POU2F1: variants seen among roughly 807,000 people sequenced by gnomAD.
The protein encoded by POU2F1 is POU domain, class 2, transcription factor 1.
In POU2F1, 16 loss-of-function variants were observed where a neutral mutation model predicts 84.9. The ratio of observed to expected loss-of-function variants is 0.19; its 90% CI spans 0.13 to 0.29. POU2F1 has a LOEUF of 0.29. Among genes scored for constraint, POU2F1 ranks in the 10% least tolerant of loss-of-function variants. The pLI is 1.00. For synonymous variants in POU2F1, 368 were observed against 368.3 expected (o/e 1.00, Z 0.01); for missense variants, 738 against 942.6 (o/e 0.78, Z 2.84).
rs1005253495 is a variant in POU2F1, at chr1:167,426,251, C to T, written c.*10441C>T. 23 of 151,184 alleles carry T rather than the reference C, an allele frequency of 1.5e-4. No individual in the cohort carries two copies. Among genetic ancestry groups the T allele is most frequent in the African/African-American group, 5.1e-4 (21 of 41,228 alleles). The allele number at this position is 151,184 out of a possible 1,614,324, so 9.4% of individuals were successfully genotyped here. A position where few individuals can be genotyped will look rare whatever the true frequency, so the allele number is the denominator to read the frequency against. Reference sequence around the variant, plus strand: ...TTCTGGGATATTAAAAAAAAAATGTCGTTTAACTTCTTGTTTGTTTCAGTG... The same window carrying T: ...TTCTGGGATATTAAAAAAAAAATGTTGTTTAACTTCTTGTTTGTTTCAGTG... On this transcript the variant is annotated 3_prime_UTR_variant, in exon 16 of 16. Coordinates refer to ENST00000367866, the MANE Select transcript of POU2F1 (RefSeq NM_002697.4).
chr1:167,288,231 T>C (rs772096636), intron 1 of POU2F1, among the ~76,000 whole-genome samples: 5 of 152,102 alleles, frequency 3.3e-5, no homozygotes, highest in Non-Finnish European at 7.3e-5. Context: ...ATGACCTTGG[T>C]ACATAGTAAA....
At chr1:167,236,093 T>G (rs796808650) in intron 1 of POU2F1, among the ~76,000 whole-genome samples, 8 of 152,290 alleles carry the variant, frequency 5.3e-5, no homozygotes, top group African/African-American at 1.9e-4. Flanking sequence ...TTTAATGTTT[T>G]TACTCTAATT....
At chr1:167,285,967 A>T (rs1393185862) in intron 1 of POU2F1, among the ~76,000 whole-genome samples, 1 of 152,182 alleles carries the variant, frequency 6.6e-6, no homozygotes, top group Admixed American at 6.5e-5. Context: ...AGTTGCAGAA[A>T]ATCATTAATA....
Position 167,419,108 on chromosome 1 carries a change from G to A in POU2F1, c.*3298G>A, listed in dbSNP as rs866856247. On this transcript the variant is annotated 3_prime_UTR_variant, in exon 16 of 16. Transcript: ENST00000367866. ...ACACCTTAGTCATTTTTTACTTTAC[G>A]TATATATTTTTTTATCATCTCAAGA... The A allele has an allele frequency of 1.3e-5, 2 of 151,880 alleles. No homozygotes were observed. The highest frequency in any genetic ancestry group is 2.4e-5 in the African/African-American group (1 of 41,352). 9.4% of individuals were successfully genotyped at this position (151,880 alleles called of 1,614,324 possible).
intron 6 of POU2F1, among the ~76,000 whole-genome samples, chr1:167,375,446 A>C (rs1258236392): frequency 6.6e-6 from 1 of 152,232 alleles, no homozygotes; most frequent in East Asian, 1.9e-4. Context: ...ATAAAACAGT[A>C]GGCCAATGTA....
chr1:167,285,672 G>T (rs1653478190), intron 1 of POU2F1, among the ~76,000 whole-genome samples: 1 of 152,092 alleles, frequency 6.6e-6, no homozygotes, highest in South Asian at 2.1e-4. Context: ...CAGAGTTCAA[G>T]CCCAGTTTCC....
chr1:167,414,845 G>T, intron 15 of POU2F1: 1 of 653,590 alleles, frequency 1.5e-6, no homozygotes, highest in Non-Finnish European at 1.9e-6. Flanking sequence ...TAGAACTAAA[G>T]CCTTTTTGCA....
intron 1 of POU2F1, among the ~76,000 whole-genome samples, chr1:167,284,155 C>T (rs1653358815): frequency 6.6e-6 from 1 of 152,158 alleles, no homozygotes; most frequent in Admixed American, 6.5e-5. Context: ...AACTTTCTGT[C>T]TGCTCTAAAC....
chr1:167,318,541 A>G (rs926308178), intron 1 of POU2F1, among the ~76,000 whole-genome samples: 1 of 152,164 alleles, frequency 6.6e-6, no homozygotes, highest in Non-Finnish European at 1.5e-5. Context: ...CTGTTTACAA[A>G]TTTGTTTTTG....
At chr1:167,406,287 T>A (rs964145359) in intron 13 of POU2F1, among the ~76,000 whole-genome samples, 1 of 152,148 alleles carries the variant, frequency 6.6e-6, no homozygotes, top group Admixed American at 6.6e-5. Context: ...AACCACATAA[T>A]CATCTCAGTG....
chr1:167,232,137 C>T (rs146536709), intron 1 of POU2F1, among the ~76,000 whole-genome samples: 6 of 152,260 alleles, frequency 3.9e-5, no homozygotes, highest in Admixed American at 2.6e-4. Flanking sequence ...GTTTGCATCC[C>T]GTGAATTCTG....
At chr1:167,246,284 C>T (rs531108181) in intron 1 of POU2F1, among the ~76,000 whole-genome samples, 2 of 152,066 alleles carry the variant, frequency 1.3e-5, no homozygotes, top group African/African-American at 4.8e-5. Flanking sequence ...TGCTGCTGTT[C>T]CCCCTTTCCT....
chr1:167,422,163 C>T lies in POU2F1; in HGVS notation c.*6353C>T, dbSNP rs182186040. 8.7e-4 allele frequency: 132 copies of T among 152,334 alleles called. 1 individual carries two copies. Among genetic ancestry groups the T allele is most frequent in the African/African-American group, 3.0e-3 (126 of 41,548 alleles). 9.4% of individuals were successfully genotyped at this position (152,334 alleles called of 1,614,324 possible). On this transcript the variant is annotated 3_prime_UTR_variant, in exon 16 of 16. Coordinates refer to ENST00000367866, the MANE Select transcript of POU2F1 (RefSeq NM_002697.4). ...GTTGCCCATGCCCCCCAGACCCTGC[C>T]AACCTCTCCTAATGATTCATTACCT...
chr1:167,333,091 CA>C (rs1657180665), intron 2 of POU2F1, among the ~76,000 whole-genome samples: 1 of 152,088 alleles, frequency 6.6e-6, no homozygotes, highest in South Asian at 2.1e-4. Flanking sequence ...GTTATAGACA[CA>C]TACCCATTTC....
At chr1:167,245,929 CTA>C (rs1369013305) in intron 1 of POU2F1, among the ~76,000 whole-genome samples, 12 of 152,124 alleles carry the variant, frequency 7.9e-5, no homozygotes, top group African/African-American at 2.9e-4. Context: ...GAACAAGAAG[CTA>C]TGTTTTTCAT....
At chr1:167,286,258 C>T (rs1177888353) in intron 1 of POU2F1, among the ~76,000 whole-genome samples, 1 of 152,086 alleles carries the variant, frequency 6.6e-6, no homozygotes, top group Non-Finnish European at 1.5e-5. Context: ...TCTCTTTAGC[C>T]TTAGAGTCAG....
At chr1:167,356,370 T>C (rs1353032662) in intron 2 of POU2F1, among the ~76,000 whole-genome samples, 1 of 151,950 alleles carries the variant, frequency 6.6e-6, no homozygotes, top group African/African-American at 2.4e-5. Flanking sequence ...AATAATAAAT[T>C]ATTAGATTCC....
intron 2 of POU2F1, among the ~76,000 whole-genome samples, chr1:167,334,018 G>A (rs1657254858): frequency 6.6e-6 from 1 of 151,958 alleles, no homozygotes; most frequent in Non-Finnish European, 1.5e-5. Context: ...TTCCCTAAGG[G>A]AAGATAAGCA....
intron 1 of POU2F1, among the ~76,000 whole-genome samples, chr1:167,249,134 C>T (rs1417106161): frequency 6.6e-6 from 1 of 152,182 alleles, no homozygotes; most frequent in Admixed American, 6.5e-5. Context: ...TGGATCCTAT[C>T]CATTTTTTTC....
Sources: allele counts gnomAD v4.1 joint callset (sites outside exome capture counted in the v4.1 genomes callset), GRCh38; gene constraint gnomAD v4.1.1; transcripts MANE v1.5; gene names NCBI Gene and HGNC (gene_info 2026-07-23, HGNC 2026-07-21).